Variants in SCFD2 observed in about 807,000 individuals in gnomAD.
The protein encoded by SCFD2 is sec1 family domain-containing protein 2.
Under a neutral mutation model 58.9 loss-of-function variants are expected in SCFD2, and 54 were observed. The observed-to-expected ratio is 0.92, with a 90% CI of 0.74 to 1.15. The LOEUF (loss-of-function observed/expected upper bound fraction) is 1.15, where lower values mean the gene tolerates loss of function less well. Ranked by LOEUF, SCFD2 falls within the 50% of genes most tolerant of loss-of-function variation. The pLI is 0.00. For synonymous variants in SCFD2, 321 were observed against 335.9 expected (o/e 0.96, Z 0.49); for missense variants, 805 against 836.6 (o/e 0.96, Z 0.47).
chr4:53,358,868 T>C (rs761827325), intron 1 of SCFD2, among the ~76,000 whole-genome samples: 4 of 152,176 alleles, frequency 2.6e-5, no homozygotes, highest in Non-Finnish European at 5.9e-5. Flanking sequence ...AAACTCTGGG[T>C]AGTCTGGACA....
At chr4:53,071,177 G>T (rs1374515148) in intron 5 of SCFD2, among the ~76,000 whole-genome samples, 1 of 152,158 alleles carries the variant, frequency 6.6e-6, no homozygotes, top group African/African-American at 2.4e-5. Flanking sequence ...CATAGGCTTA[G>T]TGAAGTAAAA....
At chr4:52,964,409 C>CT (rs922355357) in intron 5 of SCFD2, among the ~76,000 whole-genome samples, 6 of 152,138 alleles carry the variant, frequency 3.9e-5, no homozygotes, top group African/African-American at 1.4e-4. Flanking sequence ...ACAGGTCCAA[C>CT]TTTTCCAAAA....
Position 53,225,953 on chromosome 4 carries a change from G to A in SCFD2, c.1311+47873C>T, listed in dbSNP as rs183015148. On this transcript the variant is annotated intron_variant, in intron 4 of 8. Coordinates refer to ENST00000401642, the MANE Select transcript of SCFD2 (RefSeq NM_152540.4). Reference sequence around the variant, plus strand: ...TTCCGGTAGTTTACTTGTTATTTGGGGTATTTTTAATTTTTTTAAATTTAA... The same window carrying A: ...TTCCGGTAGTTTACTTGTTATTTGGAGTATTTTTAATTTTTTTAAATTTAA... Among the ~76,000 whole-genome samples the A allele has an allele frequency of 2.9e-3, 441 of 151,924 alleles. 10 individuals are homozygous for A. The highest frequency in any genetic ancestry group is 1.4e-3 in the Non-Finnish European group (92 of 67,936).
chr4:53,117,941 GA>G (rs2148889716), intron 5 of SCFD2, among the ~76,000 whole-genome samples: 1 of 152,186 alleles, frequency 6.6e-6, no homozygotes, highest in Admixed American at 6.5e-5. Context: ...TCTTTTCATG[GA>G]AAAATCTTAT....
chr4:53,328,190 A>ATGTG (rs576097323), intron 2 of SCFD2, among the ~76,000 whole-genome samples: 6 of 150,672 alleles, frequency 4.0e-5, no homozygotes, highest in African/African-American at 4.9e-5. Context: ...GTGCACATGT[A>ATGTG]TGTGTGTGTG....
chr4:53,229,228 T>A (rs977137187), intron 4 of SCFD2, among the ~76,000 whole-genome samples: 52 of 152,240 alleles, frequency 3.4e-4, no homozygotes, highest in African/African-American at 1.3e-3. Flanking sequence ...GCCATCCCCA[T>A]CAAGCTACCA....
chr4:52,991,418 C>G (rs983240017), intron 5 of SCFD2, among the ~76,000 whole-genome samples: 2 of 152,132 alleles, frequency 1.3e-5, no homozygotes, highest in Non-Finnish European at 2.9e-5. Flanking sequence ...GCCCTTCCAC[C>G]TTAGGAGGAG....
intron 5 of SCFD2, among the ~76,000 whole-genome samples, chr4:52,978,684 A>G (rs1281805746): frequency 8.1e-6 from 1 of 123,890 alleles, no homozygotes; most frequent in Non-Finnish European, 1.9e-5. Context: ...AAAAATGAAG[A>G]AAAAAAAAAG....
At chr4:53,085,537 T>C (rs1724279857) in intron 5 of SCFD2, among the ~76,000 whole-genome samples, 1 of 152,106 alleles carries the variant, frequency 6.6e-6, no homozygotes, top group Non-Finnish European at 1.5e-5. Context: ...AAAACAATTC[T>C]AAAACTTATA....
At chr4:53,160,328 C>A (rs1421010826) in intron 4 of SCFD2, among the ~76,000 whole-genome samples, 1 of 152,088 alleles carries the variant, frequency 6.6e-6, no homozygotes, top group Non-Finnish European at 1.5e-5. Flanking sequence ...AGGGTATAGG[C>A]AGGGAGACAG....
Position 53,315,293 on chromosome 4 carries a change from A to G in SCFD2, c.1008-1530T>C, listed in dbSNP as rs145175853. Among the ~76,000 whole-genome samples, 255 of 151,568 alleles carry G rather than the reference A, an allele frequency of 1.7e-3. 1 individual carries two copies. The highest frequency in any genetic ancestry group is 5.9e-3 in the African/African-American group (244 of 41,276). On this transcript the variant is annotated intron_variant, in intron 2 of 8. Coordinates refer to ENST00000401642, the MANE Select transcript of SCFD2 (RefSeq NM_152540.4). Reference sequence around the variant, plus strand: ...TCAAGAAAGATATAAAATCTTGGTTACAAAACAAGAGAAAGAAGGACATTT... The same window carrying G: ...TCAAGAAAGATATAAAATCTTGGTTGCAAAACAAGAGAAAGAAGGACATTT...
chr4:53,348,404 G>T (rs1275220536), intron 2 of SCFD2, among the ~76,000 whole-genome samples: 1 of 152,086 alleles, frequency 6.6e-6, no homozygotes, highest in African/African-American at 2.4e-5. Context: ...GGTAGGTTTG[G>T]TCGAAGGTAG....
Position 53,216,493 on chromosome 4 carries a change from TC to T in SCFD2, c.1311+57332del, listed in dbSNP as rs1181763688. ...CATTTCTGTGGGATTGGTGGTGATA[TC>T]CCCTTTATCATTTTTTATTGCATCT... On this transcript the variant is annotated intron_variant, in intron 4 of 8. Coordinates refer to ENST00000401642, the MANE Select transcript of SCFD2 (RefSeq NM_152540.4). 4.6e-5 allele frequency among the ~76,000 whole-genome samples: 7 copies of T among 152,206 alleles called. No homozygotes were observed. The East Asian group carries it at 7.7e-4, about 17-fold the overall frequency.
chr4:53,333,245 C>G (rs933429666), intron 2 of SCFD2, among the ~76,000 whole-genome samples: 2 of 148,050 alleles, frequency 1.4e-5, no homozygotes, highest in African/African-American at 5.0e-5. Context: ...TTGGAAAAAA[C>G]TACTTTAAAG....
intron 5 of SCFD2, among the ~76,000 whole-genome samples, chr4:52,938,217 A>G (rs539076992): frequency 1.3e-5 from 2 of 152,340 alleles, no homozygotes; most frequent in South Asian, 2.1e-4. Context: ...GAGCTGTTCT[A>G]TGAAGTAGGT....
intron 3 of SCFD2, among the ~76,000 whole-genome samples, chr4:53,312,064 G>A (rs1732709540): frequency 6.6e-6 from 1 of 152,086 alleles, no homozygotes; most frequent in Non-Finnish European, 1.5e-5. Context: ...GGGAGATGGA[G>A]GGACAGAAGG....
intron 5 of SCFD2, among the ~76,000 whole-genome samples, chr4:53,113,481 T>A (rs1202106169): frequency 1.3e-5 from 2 of 152,082 alleles, no homozygotes; most frequent in Admixed American, 6.6e-5. Flanking sequence ...AGAAATAAGT[T>A]TTCATTGTTT....
At chr4:53,162,511 G>C (rs564272923) in intron 4 of SCFD2, among the ~76,000 whole-genome samples, 20 of 152,254 alleles carry the variant, frequency 1.3e-4, no homozygotes, top group African/African-American at 3.6e-4. Context: ...GAGGAATCGC[G>C]ACACTGACTT....
At chr4:53,161,926 A>G (rs1259778500) in intron 4 of SCFD2, among the ~76,000 whole-genome samples, 1 of 152,198 alleles carries the variant, frequency 6.6e-6, no homozygotes, top group Non-Finnish European at 1.5e-5. Flanking sequence ...TGTTGGCCCC[A>G]GGTTAGGCCT....
Sources: gnomAD v4.1 joint callset for allele counts (sites outside exome capture counted in the v4.1 genomes callset) on GRCh38, gnomAD v4.1.1 for gene constraint, MANE v1.5 for transcripts, NCBI Gene and HGNC (gene_info 2026-07-23, HGNC 2026-07-21) for gene names.